FOLH1: variants seen among roughly 807,000 people sequenced by gnomAD.
FOLH1 encodes glutamate carboxypeptidase 2.
In FOLH1, 54 loss-of-function variants were observed where a neutral mutation model predicts 93.9. The ratio of observed to expected loss-of-function variants is 0.57; its 90% confidence interval spans 0.46 to 0.72. The LOEUF (loss-of-function observed/expected upper bound fraction) is 0.72, where lower values mean the gene tolerates loss of function less well. Ranked by LOEUF, FOLH1 falls within the 30% of genes least tolerant of loss-of-function variation. The pLI is 0.00. For synonymous variants in FOLH1, 249 were observed against 303.6 expected (o/e 0.82, Z 1.87); for missense variants, 571 against 892.5 (o/e 0.64, Z 4.59).
chr11:49,170,571 C>T (rs1367818405), intron 11 of FOLH1, among the ~76,000 whole-genome samples: 1 of 152,134 alleles, frequency 6.6e-6, no homozygotes, highest in Non-Finnish European at 1.5e-5. Flanking sequence ...GCAGAAATCA[C>T]ATCACTGTAC....
chr11:49,207,796 T>C, intron 1 of FOLH1: 2 of 431,120 alleles, frequency 4.6e-6, no homozygotes, highest in Non-Finnish European at 9.1e-6. Flanking sequence ...GAAAGTTGGA[T>C]CAAGTCTGCA....
chr11:49,199,515 A>C (rs1213757504), intron 3 of FOLH1, among the ~76,000 whole-genome samples: 1 of 152,226 alleles, frequency 6.6e-6, no homozygotes, highest in African/African-American at 2.4e-5. Context: ...CATAATCATT[A>C]AGTACCAATA....
At chr11:49,151,130 C>T (rs1351800296) in intron 17 of FOLH1, among the ~76,000 whole-genome samples, 1 of 152,132 alleles carries the variant, frequency 6.6e-6, no homozygotes, top group Non-Finnish European at 1.5e-5. Flanking sequence ...TTCAACTGCA[C>T]CTTGCCGACA....
chr11:49,147,734 C>A (rs115464532), intron 18 of FOLH1, among the ~76,000 whole-genome samples: 1 of 152,042 alleles, frequency 6.6e-6, no homozygotes, highest in East Asian at 1.9e-4. Context: ...GACGAGCCTG[C>A]GCAACATAGG....
intron 2 of FOLH1, 25 bp from the exon 3 acceptor site, chr11:49,200,466 T>C: frequency 1.2e-6 from 2 of 1,610,374 alleles, no homozygotes; most frequent in Non-Finnish European, 1.7e-6. Context: ...TTGAAAGTGG[T>C]TAGATATTAA....
rs1324543363 is a variant in FOLH1 at position 49,180,676 on chromosome 11, TGTGCCA to T, written c.920+2467_920+2472del. On this transcript the variant is annotated intron_variant, in intron 7 of 18. Coordinates refer to ENST00000256999, the MANE Select transcript of FOLH1 (RefSeq NM_004476.3). ...TATCTTGGCACACTCCCAAGGTACG[TGTGCCA>T]AGAGAGTAAATTTTCACAGTGAAAT... 9.2e-5 allele frequency among the ~76,000 whole-genome samples: 14 copies of T among 152,324 alleles called. No homozygotes were observed. In the East Asian group the frequency reaches 2.7e-3, roughly 29 times the overall value.
chr11:49,187,822 A>G (rs1861587852), intron 4 of FOLH1, among the ~76,000 whole-genome samples: 1 of 152,220 alleles, frequency 6.6e-6, no homozygotes, highest in South Asian at 2.1e-4. Context: ...GCTCAAGGTC[A>G]TGTCCCTTTC....
At chr11:49,192,634 T>C in intron 4 of FOLH1, 159 bp downstream of exon 4, 1 of 452,562 alleles carries the variant, frequency 2.2e-6, no homozygotes, top group Non-Finnish European at 3.9e-6. Context: ...ATATAATCAA[T>C]ATTCCTTCTT....
At chr11:49,181,600 G>T (rs2135162437) in intron 7 of FOLH1, among the ~76,000 whole-genome samples, 1 of 151,950 alleles carries the variant, frequency 6.6e-6, no homozygotes, top group Middle Eastern at 3.4e-3. Context: ...ATAAATTGTT[G>T]AAGATTTGTG....
At chr11:49,167,049 A>C (rs201197942) in intron 12 of FOLH1, among the ~76,000 whole-genome samples, 5,141 of 45,604 alleles carry the variant, frequency 0.11, 292 homozygotes, top group African/African-American at 0.18. Context: ...ACAACAACAA[A>C]AAAAAACAGA....
At chr11:49,190,427 G>C (rs1861905056) in intron 4 of FOLH1, among the ~76,000 whole-genome samples, 1 of 152,202 alleles carries the variant, frequency 6.6e-6, no homozygotes, top group African/African-American at 2.4e-5. Flanking sequence ...ATTGTTCTAT[G>C]ACTGTGAATA....
rs1390790815 is a variant in FOLH1, at chr11:49,200,454, A to G, written c.225-13T>C. 18 of 1,612,264 alleles carry G rather than the reference A, an allele frequency of 1.1e-5. No individual in the cohort carries two copies. The Admixed American group carries it at 3.0e-4, about 27-fold the overall frequency. ...CTGTGTAAAATTACTGGTGAACAAA[A>G]ATTGAAAGTGGTTAGATATTAATGT... On this transcript the variant is annotated splice_polypyrimidine_tract_variant and intron_variant, in intron 2 of 18. Transcript: ENST00000256999.
At chr11:49,156,158 C>T (rs1857013446) in intron 15 of FOLH1, among the ~76,000 whole-genome samples, 1 of 151,980 alleles carries the variant, frequency 6.6e-6, no homozygotes, top group Non-Finnish European at 1.5e-5. Context: ...CCTCCCCAGC[C>T]ATATGAAACT....
At chr11:49,207,282 C>T (rs1381378552) in intron 1 of FOLH1, among the ~76,000 whole-genome samples, 1 of 152,182 alleles carries the variant, frequency 6.6e-6, no homozygotes, top group Non-Finnish European at 1.5e-5. Context: ...AGCCACTGAG[C>T]ACGGAATACA....
intron 13 of FOLH1, among the ~76,000 whole-genome samples, 194 bp downstream of exon 13, chr11:49,164,511 A>G (rs1858123152): frequency 6.6e-6 from 1 of 152,190 alleles, no homozygotes; most frequent in Non-Finnish European, 1.5e-5. Flanking sequence ...GCTACCTCAC[A>G]CTGGTGTGGT....
At chr11:49,203,310 G>T (rs1292565724) in intron 2 of FOLH1, among the ~76,000 whole-genome samples, 1 of 152,296 alleles carries the variant, frequency 6.6e-6, no homozygotes. Flanking sequence ...TGTTTTCAAA[G>T]AAGGGAAAAC....
At chr11:49,161,535 G>A (rs1319466489) in intron 13 of FOLH1, among the ~76,000 whole-genome samples, 4 of 152,106 alleles carry the variant, frequency 2.6e-5, no homozygotes, top group Non-Finnish European at 5.9e-5. Flanking sequence ...CATATGAGAA[G>A]GGTCTCTTGA....
rs1356939220 is a variant in FOLH1 at position 49,145,929 on chromosome 11, C to T, written c.*827G>A. Among the ~76,000 whole-genome samples, 3 of 152,008 alleles carry T rather than the reference C, an allele frequency of 2.0e-5. No individual in the cohort carries two copies. Among genetic ancestry groups the T allele is most frequent in the Non-Finnish European group, 2.9e-5 (2 of 67,996 alleles). ...GCCACAGTGATAATATATTTGAACC[C>T]TTAAAAGTCAATGAAAAAAATCAAG... On this transcript the variant is annotated 3_prime_UTR_variant, in exon 19 of 19. Coordinates refer to ENST00000256999, the MANE Select transcript of FOLH1 (RefSeq NM_004476.3).
At chr11:49,159,601 G>C (rs1415164431) in intron 13 of FOLH1, among the ~76,000 whole-genome samples, 1 of 152,018 alleles carries the variant, frequency 6.6e-6, no homozygotes, top group African/African-American at 2.4e-5. Context: ...TGTTGCTGTT[G>C]TATCTCTGCC....
Sources: allele counts gnomAD v4.1 joint callset (sites outside exome capture counted in the v4.1 genomes callset), GRCh38; gene constraint gnomAD v4.1.1; transcripts MANE v1.5; gene names NCBI Gene and HGNC (gene_info 2026-07-23, HGNC 2026-07-21).